The following NTRK3 variants were observed in gnomAD, a reference collection of about 807,000 sequenced individuals.
NTRK3 encodes neurotrophic receptor tyrosine kinase 3, also known as NT-3 growth factor receptor.
In NTRK3, 24 loss-of-function variants were observed where a neutral mutation model predicts 91.7. The ratio of observed to expected loss-of-function variants is 0.26; its 90% confidence interval spans 0.19 to 0.37. The LOEUF is 0.37. Among genes scored for constraint, NTRK3 ranks in the 10% least tolerant of loss-of-function variants. NTRK3 has a pLI of 1.00. For synonymous variants in NTRK3, 483 were observed against 404.0 expected, an observed-to-expected ratio of 1.20 and a Z score of -2.34; for missense variants, 880 against 1,068.9, an observed-to-expected ratio of 0.82 and a Z score of 2.46.
rs1373385275 is a variant in NTRK3 at position 88,240,138 on chromosome 15, G to C, written c.248+15768C>G. Among the ~76,000 whole-genome samples the C allele has an allele frequency of 7.5e-6, 1 of 133,806 alleles. No homozygotes were observed. Among genetic ancestry groups the C allele is most frequent in the African/African-American group, 2.9e-5 (1 of 34,276 alleles). 87.8% of individuals were successfully genotyped at this position (133,806 alleles called of 152,430 possible). On this transcript the variant is annotated intron_variant, in intron 3 of 18. Transcript: ENST00000394480. This position sits in a 1 kb window ranked among gnomAD's most constrained non-coding sequence, Gnocchi z 4.9. The stretch of plus-strand genomic sequence containing the variant: ...CCCCCCTCCCCTCCCCCACAGGATT[G>C]CCCCCAGAGAAACCCAGGGCTGCTG...
chr15:87,980,230 G>A (rs1351079177), intron 14 of NTRK3, among the ~76,000 whole-genome samples: 2 of 152,186 alleles, frequency 1.3e-5, no homozygotes, highest in South Asian at 4.1e-4. Context: ...GACTGAGTTA[G>A]GATATCCTGA....
intron 14 of NTRK3, among the ~76,000 whole-genome samples, chr15:87,952,989 A>T (rs1333764571): frequency 6.6e-6 from 1 of 152,158 alleles, no homozygotes; most frequent in Admixed American, 6.5e-5. Flanking sequence ...CGCAGCCAGC[A>T]GATTCGTTCC....
intron 14 of NTRK3, among the ~76,000 whole-genome samples, chr15:88,018,767 T>C (rs2077413174): frequency 6.6e-6 from 1 of 152,156 alleles, no homozygotes; most frequent in Non-Finnish European, 1.5e-5. Context: ...AACAATTTAT[T>C]ATTATATTTA....
chr15:88,165,493 T>A (rs1419545528), intron 5 of NTRK3, among the ~76,000 whole-genome samples: 2 of 152,200 alleles, frequency 1.3e-5, no homozygotes, highest in Non-Finnish European at 2.9e-5. Flanking sequence ...TTTTCCTTGC[T>A]ATAAGGACTT....
intron 13 of NTRK3, among the ~76,000 whole-genome samples, chr15:88,107,694 T>C (rs1446786047): frequency 6.6e-6 from 1 of 152,028 alleles, no homozygotes; most frequent in Non-Finnish European, 1.5e-5. Context: ...TGCACACAGA[T>C]GTGTCTAATT....
intron 15 of NTRK3, among the ~76,000 whole-genome samples, chr15:87,933,738 A>G (rs2069010395): frequency 6.6e-6 from 1 of 152,182 alleles, no homozygotes; most frequent in African/African-American, 2.4e-5. Context: ...GAGCACTTTG[A>G]CCTCTGGAAG....
chr15:88,170,412 C>T (rs2045396592), intron 5 of NTRK3, among the ~76,000 whole-genome samples: 1 of 152,216 alleles, frequency 6.6e-6, no homozygotes, highest in Non-Finnish European at 1.5e-5. Flanking sequence ...TTCCTGCAGT[C>T]CAGTGCTTTG....
chr15:88,122,012 T>C (rs1222829748), intron 13 of NTRK3, among the ~76,000 whole-genome samples: 8 of 152,180 alleles, frequency 5.3e-5, no homozygotes, highest in Admixed American at 2.0e-4. Context: ...CTGGTTAATA[T>C]ATTCATCTCC....
chr15:88,196,915 T>C (rs926960710), intron 3 of NTRK3, among the ~76,000 whole-genome samples: 1 of 151,978 alleles, frequency 6.6e-6, no homozygotes, highest in South Asian at 2.1e-4. Flanking sequence ...AGAGCAAATA[T>C]GGACAGAATG....
intron 14 of NTRK3, among the ~76,000 whole-genome samples, chr15:87,941,287 G>C (rs969922161): frequency 3.3e-5 from 5 of 152,128 alleles, no homozygotes; most frequent in Admixed American, 2.6e-4. Flanking sequence ...TTTTGAGCTT[G>C]GGAAAGTTAT....
chr15:87,912,738 T>C (rs773591133), intron 17 of NTRK3, among the ~76,000 whole-genome samples: 4 of 151,698 alleles, frequency 2.6e-5, no homozygotes, highest in Non-Finnish European at 5.9e-5. Context: ...CCAGTGTAGA[T>C]GCTTACCCAA....
chr15:87,950,231 A>C (rs4887337), intron 14 of NTRK3, among the ~76,000 whole-genome samples: 141,902 of 152,270 alleles, frequency 0.93, 66,244 homozygotes, highest in East Asian at 1. Flanking sequence ...CAGCTCCATG[A>C]TGAAAGTCTT....
At chr15:88,207,707 T>C (rs2048912381) in intron 3 of NTRK3, among the ~76,000 whole-genome samples, 2 of 146,930 alleles carry the variant, frequency 1.4e-5, no homozygotes, top group African/African-American at 2.4e-5. Flanking sequence ...CAGATAAGGC[T>C]ATTTTCCCCA....
intron 14 of NTRK3, among the ~76,000 whole-genome samples, chr15:87,969,123 T>A (rs1386229614): frequency 2.0e-5 from 3 of 152,172 alleles, no homozygotes; most frequent in Non-Finnish European, 4.4e-5. Context: ...ATTGCCTTCA[T>A]CTTTCAGAGG....
At chr15:87,903,528 T>C (rs1445769547) in intron 17 of NTRK3, among the ~76,000 whole-genome samples, 1 of 152,218 alleles carries the variant, frequency 6.6e-6, no homozygotes, top group Non-Finnish European at 1.5e-5. Context: ...TGAGACACTA[T>C]ATTTCTTCAG....
intron 13 of NTRK3, among the ~76,000 whole-genome samples, chr15:88,041,857 C>T (rs1219152208): frequency 1.4e-5 from 2 of 142,106 alleles, no homozygotes; most frequent in Non-Finnish European, 3.0e-5. Context: ...AAGGGCTTGT[C>T]GTCCTCAATG....
At chr15:88,033,720 C>G (rs562465197) in intron 13 of NTRK3, among the ~76,000 whole-genome samples, 2 of 152,288 alleles carry the variant, frequency 1.3e-5, no homozygotes, top group East Asian at 3.9e-4. Context: ...ACTCACCTAT[C>G]AAACCATGGA....
intron 14 of NTRK3, among the ~76,000 whole-genome samples, chr15:88,000,823 C>T (rs1025415328): frequency 6.6e-6 from 1 of 152,118 alleles, no homozygotes; most frequent in African/African-American, 2.4e-5. Context: ...TATTCATGTA[C>T]AAGTTTTTGC....
intron 3 of NTRK3, among the ~76,000 whole-genome samples, chr15:88,226,367 A>G (rs946365802): frequency 6.6e-6 from 1 of 152,086 alleles, no homozygotes; most frequent in Non-Finnish European, 1.5e-5. Context: ...TGCCGACTGG[A>G]TGGTGTGAGT....
Sources: allele counts gnomAD v4.1 joint callset (sites outside exome capture counted in the v4.1 genomes callset), GRCh38; gene constraint gnomAD v4.1.1; non-coding constraint Gnocchi (gnomAD v3.1); transcripts MANE v1.5; gene names NCBI Gene and HGNC (gene_info 2026-07-23, HGNC 2026-07-21).